TSBP1: variants seen among roughly 807,000 people sequenced by gnomAD.
The protein encoded by TSBP1 is testis-expressed basic protein 1.
Under a neutral mutation model 68.8 loss-of-function variants are expected in TSBP1, and 56 were observed. The observed-to-expected ratio is 0.81, with a 90% CI of 0.66 to 1.02. The LOEUF (loss-of-function observed/expected upper bound fraction) is 1.02. Ranked by LOEUF, TSBP1 falls within the 50% of genes least tolerant of loss-of-function variation. The probability of loss-of-function intolerance (pLI) is 0.00; values close to 1 mark genes in which losing one functional copy is unlikely to be tolerated. For missense variants in TSBP1, 502 were observed against 641.2 expected (o/e 0.78, Z 2.34); for synonymous variants, 171 against 208.7 (o/e 0.82, Z 1.56).
intron 16 of TSBP1, chr6:32,326,232 A>G: frequency 4.5e-6 from 5 of 1,099,888 alleles, no homozygotes. Context: ...CAGGGAAGCT[A>G]CAGGTTATAA....
In TSBP1 at chr6:32,315,173, C is replaced by A. The variant is rs564742627; in HGVS notation, c.580+599G>T. Reference sequence around the variant, plus strand: ...GGACACAGTGTGAAAGGTGCTTTCACGAATTCTATATTAAATATCATCATG... The same window carrying A: ...GGACACAGTGTGAAAGGTGCTTTCAAGAATTCTATATTAAATATCATCATG... On this transcript the variant is annotated intron_variant, in intron 19 of 22. Coordinates refer to ENST00000612031, the Ensembl canonical transcript of TSBP1. This position sits in a 1 kb window ranked among gnomAD's most constrained non-coding sequence, Gnocchi z 5.4. 6.6e-6 allele frequency among the ~76,000 whole-genome samples: 1 copy of A among 152,070 alleles called. No homozygotes were observed. The highest frequency in any genetic ancestry group is 1.5e-5 in the Non-Finnish European group (1 of 68,020).
chr6:32,336,742 CT>C lies in TSBP1; in HGVS notation c.410-108del. The C allele has an allele frequency of 2.0e-6, 2 of 976,604 alleles. No individual in the cohort carries two copies. Among genetic ancestry groups the C allele is most frequent in the South Asian group, 2.8e-5 (2 of 71,486 alleles). The allele number at this position is 976,604 out of a possible 1,614,324, so 60.5% of individuals were successfully genotyped here. On this transcript the variant is annotated intron_variant, in intron 11 of 22. Coordinates refer to ENST00000612031, the Ensembl canonical transcript of TSBP1. This position sits in a 1 kb window ranked among gnomAD's most constrained non-coding sequence, Gnocchi z 5.2. ...AAGCAATTCAACCAGAGGAGAACAA[CT>C]ACTGTGGGACTGCAGATGATCTTAG...
At chr6:32,305,570 C>T (rs1405957097) in intron 19 of TSBP1, among the ~76,000 whole-genome samples, 1 of 152,164 alleles carries the variant, frequency 6.6e-6, no homozygotes, top group African/African-American at 2.4e-5. Flanking sequence ...ATCTGCATCT[C>T]GTTATTGGGC....
rs936686684 is a variant in TSBP1, at chr6:32,302,841, T to C, written c.581-212A>G. On this transcript the variant is annotated intron_variant, in intron 19 of 22. Transcript: ENST00000612031. This position sits in a 1 kb window ranked among gnomAD's most constrained non-coding sequence, Gnocchi z 5.1. ...CTTTATGTGGTCCAACTTATTGTTGTCTCTCTAATTGAGCTCTCTGCTTTC... is the reference window on the plus strand; with the variant it reads ...CTTTATGTGGTCCAACTTATTGTTGCCTCTCTAATTGAGCTCTCTGCTTTC... Among the ~76,000 whole-genome samples the C allele has an allele frequency of 5.3e-5, 8 of 152,238 alleles. No homozygotes were observed. Among genetic ancestry groups the C allele is most frequent in the Admixed American group, 6.5e-5 (1 of 15,280 alleles).
rs145761433 is a variant in TSBP1 at position 32,298,452 on chromosome 6, G to A, written c.637+1470C>T. On this transcript the variant is annotated intron_variant, in intron 22 of 22. Coordinates refer to ENST00000612031, the Ensembl canonical transcript of TSBP1. ...AAATTAGCTGGGCATGGTGGCACAT[G>A]CCTGTAATCCCAGCTACTTGGGAGG... Among the ~76,000 whole-genome samples the A allele has an allele frequency of 5.9e-3, 899 of 152,248 alleles. 10 individuals carry two copies. The highest frequency in any genetic ancestry group is 0.035 in the East Asian group (182 of 5,170).
intron 15 of TSBP1, 66 bp from the exon 17 acceptor site, chr6:32,330,675 C>CACAA: frequency 7.0e-7 from 1 of 1,428,562 alleles, no homozygotes; most frequent in Non-Finnish European, 9.4e-7. Flanking sequence ...CACACACACA[C>CACAA]TTCTATTTTT....
intron 9 of TSBP1, among the ~76,000 whole-genome samples, chr6:32,346,649 G>T (rs1373106037): frequency 1.3e-5 from 2 of 152,076 alleles, no homozygotes; most frequent in Non-Finnish European, 2.9e-5. Context: ...ACCAGCCTGG[G>T]CAAGATGGCA....
chr6:32,355,680 A>G lies in TSBP1; in HGVS notation c.218-11T>C. 2.5e-6 allele frequency: 4 copies of G among 1,585,934 alleles called. No individual in the cohort carries two copies. The highest frequency in any genetic ancestry group is 3.4e-6 in the Non-Finnish European group (4 of 1,168,924). On this transcript the variant is annotated splice_polypyrimidine_tract_variant and intron_variant, in intron 6 of 22. Coordinates refer to ENST00000612031, the Ensembl canonical transcript of TSBP1. ...CTCTTTTGGATCTCTCTGAAAACAT[A>G]AACAAAAGAAAGAAAAATCAATTTG...
chr6:32,330,944 G>A (rs1487836060), intron 15 of TSBP1, among the ~76,000 whole-genome samples: 1 of 152,148 alleles, frequency 6.6e-6, no homozygotes, highest in Non-Finnish European at 1.5e-5. Context: ...GATTACAGGT[G>A]TGAACCACTG....
chr6:32,312,161 A>G (rs9268205), intron 19 of TSBP1, among the ~76,000 whole-genome samples: 126,005 of 152,122 alleles, frequency 0.83, 52,304 homozygotes, highest in South Asian at 0.92. Flanking sequence ...CCAAAGAACT[A>G]GAATATGTAT....
chr6:32,294,033 T>C (rs1052827975), exon 23 of TSBP1: 4 of 1,606,310 alleles, frequency 2.5e-6, no homozygotes, highest in Admixed American at 3.4e-5. Flanking sequence ...CCTGTTAATA[T>C]AACTGAGCAT....
chr6:32,370,077 C>CT (rs9281764), intron 1 of TSBP1, 94 bp from the exon 2 acceptor site: 590,813 of 749,298 alleles, frequency 0.79, 235,715 homozygotes, highest in East Asian at 0.92. Flanking sequence ...ACCAGATAGA[C>CT]TTTTTTTCTT....
At chr6:32,323,086 A>G in intron 18 of TSBP1, 31 bp downstream of exon 19, 1 of 1,543,432 alleles carries the variant, frequency 6.5e-7, no homozygotes, top group African/African-American at 1.4e-5. Flanking sequence ...ACCATAGAGA[A>G]CCAAAGAAGA....
chr6:32,366,762 C>CAAAAAAAAAAA, intron 4 of TSBP1, among the ~76,000 whole-genome samples: 1 of 77,446 alleles, frequency 1.3e-5, no homozygotes, highest in Non-Finnish European at 2.5e-5. Context: ...GACTCCGTCT[C>CAAAAAAAAAAA]AAAAAAAAAA....
At chr6:32,305,711 GT>G (rs1765720984) in intron 19 of TSBP1, among the ~76,000 whole-genome samples, 1 of 152,152 alleles carries the variant, frequency 6.6e-6, no homozygotes, top group African/African-American at 2.4e-5. Context: ...GGCCAGGCTG[GT>G]CTCGAACTCC....
At position 32,316,921 on chromosome 6, in the gene TSBP1, G is replaced by C. The variant is rs1401476735; in HGVS notation, c.560-1129C>G. ...AGACCATCCTGGCGAACACTGTGAT[G>C]TTCTAAAAATACAAAAAAATTTCTC... On this transcript the variant is annotated intron_variant, in intron 18 of 22. Coordinates refer to ENST00000612031, the Ensembl canonical transcript of TSBP1. This position sits in a 1 kb window ranked among gnomAD's most constrained non-coding sequence, Gnocchi z 4.5. 6.6e-6 allele frequency among the ~76,000 whole-genome samples: 1 copy of C among 152,096 alleles called. No homozygotes were observed. The highest frequency in any genetic ancestry group is 1.9e-4 in the East Asian group (1 of 5,188).
At position 32,340,663 on chromosome 6, in the gene TSBP1, G is replaced by A. The variant is rs1770221954; in HGVS notation, c.350-1025C>T. On this transcript the variant is annotated intron_variant, in intron 9 of 22. Transcript: ENST00000612031. This position sits in a 1 kb window ranked among gnomAD's most constrained non-coding sequence, Gnocchi z 4.8. Reference sequence around the variant, plus strand: ...GACAAGAATTTTAGGATACATGTGAGCTGAGCAGGAAAGAGAATCATGATA... The same window carrying A: ...GACAAGAATTTTAGGATACATGTGAACTGAGCAGGAAAGAGAATCATGATA... Among the ~76,000 whole-genome samples the A allele has an allele frequency of 1.3e-5, 2 of 152,174 alleles. No homozygotes were observed. The highest frequency in any genetic ancestry group is 4.1e-4 in the South Asian group (2 of 4,820).
At chr6:32,320,164 C>G (rs1562098169) in intron 18 of TSBP1, 2 of 455,946 alleles carry the variant, frequency 4.4e-6, no homozygotes, top group Non-Finnish European at 8.8e-6. Flanking sequence ...TATAAATACC[C>G]TGGGTTGTGG....
chr6:32,300,506 T>C (rs1402701720), intron 21 of TSBP1, among the ~76,000 whole-genome samples, 174 bp downstream of exon 24: 1 of 152,186 alleles, frequency 6.6e-6, no homozygotes, highest in Non-Finnish European at 1.5e-5. Flanking sequence ...TATACTTTGT[T>C]ACAAAAGGAA....
Sources: allele counts gnomAD v4.1 joint callset (sites outside exome capture counted in the v4.1 genomes callset), GRCh38; gene constraint gnomAD v4.1.1; non-coding constraint Gnocchi (gnomAD v3.1); transcripts MANE v1.5; gene names NCBI Gene and HGNC (gene_info 2026-07-23, HGNC 2026-07-21).